OGA: variants seen among roughly 807,000 people sequenced by gnomAD.
The protein encoded by OGA is protein O-GlcNAcase.
Under a neutral mutation model 102.0 loss-of-function variants are expected in OGA, and 21 were observed. The ratio of observed to expected loss-of-function variants is 0.21; its 90% CI spans 0.15 to 0.30. The LOEUF (loss-of-function observed/expected upper bound fraction) is 0.30. Ranked by LOEUF, OGA falls within the 10% of genes least tolerant of loss-of-function variation. OGA has a pLI of 1.00. For missense variants in OGA, 765 were observed against 1,107.8 expected (o/e 0.69, Z 4.39); for synonymous variants, 408 against 378.2 (o/e 1.08, Z -0.91).
intron 12 of OGA, among the ~76,000 whole-genome samples, chr10:101,791,923 C>A (rs2065264219): frequency 6.6e-6 from 1 of 152,014 alleles, no homozygotes; most frequent in African/African-American, 2.4e-5. Flanking sequence ...GCCTCTCAGG[C>A]TCAAGTAATT....
chr10:101,800,406 A>G lies in OGA; in HGVS notation c.1037-6T>C. ...AGTACTATCTTCACTGTCAGCTGCA[A>G]AAAATAAAATAAAAAAGCACAAAAA... On this transcript the variant is annotated splice_polypyrimidine_tract_variant and splice_region_variant and intron_variant, in intron 7 of 15. Coordinates refer to ENST00000361464, the MANE Select transcript of OGA (RefSeq NM_012215.5). The G allele has an allele frequency of 6.2e-7, 1 of 1,600,010 alleles. No individual in the cohort carries two copies. The highest frequency in any genetic ancestry group is 2.2e-5 in the East Asian group (1 of 44,788).
Position 101,818,336 on chromosome 10 carries a change from C to A in OGA, c.-314G>T. On this transcript the variant is annotated 5_prime_UTR_variant, in exon 1 of 16. Coordinates refer to ENST00000361464, the MANE Select transcript of OGA (RefSeq NM_012215.5). The stretch of plus-strand genomic sequence containing the variant: ...GACGGCCAAGGGTCCTGTCCTCGTT[C>A]TCTGCCTCTGCTGCCCTCCCGATAA... 1 of 1,141,524 alleles carries A rather than the reference C, an allele frequency of 8.8e-7. No individual in the cohort carries two copies. The highest frequency in any genetic ancestry group is 1.1e-6 in the Non-Finnish European group (1 of 927,144). The allele number at this position is 1,141,524 out of a possible 1,614,324, so 70.7% of individuals were successfully genotyped here.
At chr10:101,811,406 GAAAAAAA>G (rs67433227) in intron 3 of OGA, among the ~76,000 whole-genome samples, 29 of 45,706 alleles carry the variant, frequency 6.3e-4, no homozygotes, top group African/African-American at 2.7e-3. Context: ...GAAAAAAAAT[GAAAAAAA>G]AAAAAAAAAA....
At chr10:101,814,277 G>T (rs942435826) in intron 1 of OGA, among the ~76,000 whole-genome samples, 1 of 151,492 alleles carries the variant, frequency 6.6e-6, no homozygotes, top group African/African-American at 2.4e-5. Flanking sequence ...GCAGTGAGCC[G>T]AGACTGCGTC....
intron 5 of OGA, among the ~76,000 whole-genome samples, chr10:101,807,072 T>C (rs527903529): frequency 2.0e-5 from 3 of 152,338 alleles, no homozygotes; most frequent in South Asian, 2.1e-4. Flanking sequence ...ATTCCCAGTA[T>C]AATCTTAAAA....
chr10:101,797,822 C>T (rs1183687861), intron 10 of OGA, 158 bp downstream of exon 10: 5 of 677,126 alleles, frequency 7.4e-6, no homozygotes, highest in Non-Finnish European at 1.3e-5. Context: ...ACTTGCATCT[C>T]AAGTCTTCAA....
chr10:101,788,800 A>C (rs1377276786), intron 14 of OGA, among the ~76,000 whole-genome samples: 3 of 152,324 alleles, frequency 2.0e-5, no homozygotes, highest in Admixed American at 2.0e-4. Flanking sequence ...GGAAAAGGAC[A>C]TTAGCAGAAA....
chr10:101,786,391 A>G lies in OGA; in HGVS notation c.*60T>C. On this transcript the variant is annotated 3_prime_UTR_variant, in exon 16 of 16. Transcript: ENST00000361464. ...AGAGGCTGAACTGTATGAAGACCTC[A>G]ACTACCATTCACAAGGTGCAGTTAA... The G allele has an allele frequency of 6.7e-7, 1 of 1,491,620 alleles. No individual in the cohort carries two copies. The allele number at this position is 1,491,620 out of a possible 1,614,324, so 92.4% of individuals were successfully genotyped here.
intron 7 of OGA, among the ~76,000 whole-genome samples, 168 bp from the exon 8 acceptor site, chr10:101,800,568 C>A (rs1447016813): frequency 1.3e-5 from 2 of 152,054 alleles, no homozygotes; most frequent in African/African-American, 2.4e-5. Flanking sequence ...AGACCCTTCA[C>A]CAAACCACTT....
At position 101,806,139 on chromosome 10, in the gene OGA, G is replaced by A; in HGVS notation, c.657C>T (p.Tyr219=). 6.3e-7 allele frequency: 1 copy of A among 1,586,054 alleles called. No homozygotes were observed. Among genetic ancestry groups the A allele is most frequent in the Non-Finnish European group, 8.7e-7 (1 of 1,154,780 alleles). ...PETFLFCPTE[Y]CGTFCYPNVS... Reference sequence around the variant, plus strand: ...CATTTGGATAACAGAAAGTGCCACAGTATTCTAAATGTAGGGAGAAAAGTA... The same window carrying A: ...CATTTGGATAACAGAAAGTGCCACAATATTCTAAATGTAGGGAGAAAAGTA... The change falls in exon 6 of 16, where the codon TAC becomes TAT. Residue 219 remains tyrosine (Y), a synonymous_variant. Transcript: ENST00000361464.
intron 9 of OGA, among the ~76,000 whole-genome samples, chr10:101,798,474 G>A (rs972177430): frequency 5.5e-5 from 8 of 145,370 alleles, no homozygotes; most frequent in Non-Finnish European, 1.0e-4. Context: ...ACAATGGCAC[G>A]ATCTCAGCTC....
chr10:101,813,209 T>C, intron 2 of OGA, 82 bp from the exon 3 acceptor site: 6 of 883,268 alleles, frequency 6.8e-6, no homozygotes, highest in Non-Finnish European at 1.1e-5. Flanking sequence ...TCTTGGAGCA[T>C]CTCCATCTCA....
chr10:101,817,255 C>T (rs1305325166), intron 1 of OGA, among the ~76,000 whole-genome samples: 2 of 152,126 alleles, frequency 1.3e-5, no homozygotes, highest in South Asian at 4.1e-4. Context: ...AAGTTTCATC[C>T]CTCGAGAGCA....
At chr10:101,810,960 G>A (rs180884572) in intron 3 of OGA, among the ~76,000 whole-genome samples, 1 of 152,024 alleles carries the variant, frequency 6.6e-6, no homozygotes, top group East Asian at 1.9e-4. Flanking sequence ...TACAGTGTTG[G>A]GATTGCAGGC....
intron 12 of OGA, among the ~76,000 whole-genome samples, chr10:101,792,228 T>C (rs1267313861): frequency 3.3e-5 from 5 of 151,966 alleles, no homozygotes; most frequent in Non-Finnish European, 5.9e-5. Context: ...CACCATGGTC[T>C]CGATCTCCTG....
At chr10:101,804,977 C>T (rs566100350) in intron 6 of OGA, among the ~76,000 whole-genome samples, 9 of 152,228 alleles carry the variant, frequency 5.9e-5, no homozygotes, top group Non-Finnish European at 1.0e-4. Context: ...AGTTTCCTAA[C>T]GCTGCTTAAG....
chr10:101,811,109 G>GC (rs1367940641), intron 3 of OGA, among the ~76,000 whole-genome samples: 1 of 151,950 alleles, frequency 6.6e-6, no homozygotes, highest in Non-Finnish European at 1.5e-5. Context: ...ATCAGGGTAG[G>GC]CCAGGCCCAA....
intron 7 of OGA, among the ~76,000 whole-genome samples, chr10:101,801,961 A>G (rs890938189): frequency 1.3e-5 from 2 of 152,128 alleles, no homozygotes; most frequent in African/African-American, 4.8e-5. Context: ...CCTGACCAAC[A>G]TGGTGAAACC....
intron 6 of OGA, 103 bp downstream of exon 6, chr10:101,805,942 G>A (rs2065466723): frequency 1.4e-6 from 1 of 735,244 alleles, no homozygotes. Context: ...GCGACAGAGT[G>A]AGACTCCGTC....
Sources: allele counts gnomAD v4.1 joint callset (sites outside exome capture counted in the v4.1 genomes callset), GRCh38; gene constraint gnomAD v4.1.1; transcripts MANE v1.5; gene names NCBI Gene and HGNC (gene_info 2026-07-23, HGNC 2026-07-21).